Variants in MACROD2 observed in about 807,000 individuals in gnomAD.
The protein encoded by MACROD2 is ADP-ribose glycohydrolase MACROD2.
In MACROD2, 36 loss-of-function variants were observed where a neutral mutation model predicts 70.4. That is an observed-to-expected ratio of 0.51 (90% CI 0.39 to 0.68). The LOEUF (loss-of-function observed/expected upper bound fraction) is 0.68. Among genes scored for constraint, MACROD2 ranks in the 30% least tolerant of loss-of-function variants. The probability of loss-of-function intolerance (pLI) is 0.00; values close to 1 mark genes in which losing one functional copy is unlikely to be tolerated. For missense variants in MACROD2, 496 were observed against 538.4 expected (o/e 0.92, Z 0.78); for synonymous variants, 172 against 178.8 (o/e 0.96, Z 0.30).
chr20:15,503,006 A>T (rs2047383022), intron 8 of MACROD2, among the ~76,000 whole-genome samples: 1 of 152,258 alleles, frequency 6.6e-6, no homozygotes, highest in African/African-American at 2.4e-5. Context: ...TTCATTGTCC[A>T]GAAAAAGGCA....
At chr20:15,233,141 T>G (rs1359305293) in intron 6 of MACROD2, among the ~76,000 whole-genome samples, 1 of 152,124 alleles carries the variant, frequency 6.6e-6, no homozygotes, top group East Asian at 1.9e-4. Flanking sequence ...TTCCCAGAGA[T>G]GCATGAAATT....
At chr20:15,791,973 C>T (rs2063628442) in intron 8 of MACROD2, among the ~76,000 whole-genome samples, 1 of 151,760 alleles carries the variant, frequency 6.6e-6, no homozygotes, top group East Asian at 1.9e-4. Context: ...TGAAATGTTT[C>T]GAAAAGGAAA....
At chr20:14,642,015 G>C (rs1985124257) in intron 4 of MACROD2, among the ~76,000 whole-genome samples, 1 of 152,210 alleles carries the variant, frequency 6.6e-6, no homozygotes, top group Non-Finnish European at 1.5e-5. Context: ...TCTTCCAATA[G>C]AAGGCTGTTT....
intron 5 of MACROD2, chr20:14,758,009 CAGT>C: frequency 1.3e-6 from 1 of 757,636 alleles, no homozygotes; most frequent in South Asian, 1.4e-5. Context: ...AACTGAATTC[CAGT>C]TTAGAGGCGA....
chr20:14,877,744 T>C (rs765326868), intron 5 of MACROD2, among the ~76,000 whole-genome samples: 23 of 152,138 alleles, frequency 1.5e-4, no homozygotes, highest in Non-Finnish European at 2.8e-4. Context: ...ATGGTTTTTG[T>C]TTTTAGTTCT....
intron 8 of MACROD2, among the ~76,000 whole-genome samples, chr20:15,735,936 C>G (rs1476701715): frequency 2.0e-5 from 3 of 148,140 alleles, no homozygotes; most frequent in Non-Finnish European, 4.5e-5. Context: ...TGAACACCTA[C>G]CATGTGCTGT....
At chr20:15,300,664 T>C (rs2077633208) in intron 6 of MACROD2, among the ~76,000 whole-genome samples, 1 of 152,208 alleles carries the variant, frequency 6.6e-6, no homozygotes, top group East Asian at 1.9e-4. Context: ...TCCACTTTTT[T>C]TCTTGAGCTT....
At chr20:14,508,838 A>G (rs1181636377) in intron 4 of MACROD2, among the ~76,000 whole-genome samples, 6 of 152,122 alleles carry the variant, frequency 3.9e-5, no homozygotes. Flanking sequence ...ACATTTTACT[A>G]TATTTGTCCT....
chr20:14,103,722 GCTTA>G (rs2054328909), intron 3 of MACROD2, among the ~76,000 whole-genome samples: 5 of 151,832 alleles, frequency 3.3e-5, no homozygotes, highest in Admixed American at 2.6e-4. Context: ...TTTGAGGACT[GCTTA>G]CTTTTTTGTT....
At chr20:14,972,205 A>G (rs989663387) in intron 5 of MACROD2, among the ~76,000 whole-genome samples, 4 of 152,194 alleles carry the variant, frequency 2.6e-5, no homozygotes. Flanking sequence ...CTTTCTACTC[A>G]ATTCTATTGG....
At chr20:14,825,792 C>T (rs1164706432) in intron 5 of MACROD2, among the ~76,000 whole-genome samples, 2 of 152,062 alleles carry the variant, frequency 1.3e-5, no homozygotes, top group Non-Finnish European at 2.9e-5. Flanking sequence ...CATTAGTGAC[C>T]TGGTATTTGG....
At chr20:15,263,789 T>C (rs2077269285) in intron 6 of MACROD2, among the ~76,000 whole-genome samples, 1 of 152,130 alleles carries the variant, frequency 6.6e-6, no homozygotes, top group Non-Finnish European at 1.5e-5. Context: ...ATTTTACTCA[T>C]GGCTATTAAA....
chr20:15,790,642 C>A (rs1280853935), intron 8 of MACROD2, among the ~76,000 whole-genome samples: 2 of 151,542 alleles, frequency 1.3e-5, no homozygotes, highest in African/African-American at 4.8e-5. Flanking sequence ...AAGGAGGAGC[C>A]CCTGCTCACA....
At chr20:15,073,955 T>C (rs2075638678) in intron 5 of MACROD2, among the ~76,000 whole-genome samples, 1 of 152,186 alleles carries the variant, frequency 6.6e-6, no homozygotes, top group Non-Finnish European at 1.5e-5. Context: ...AGAAAAATTA[T>C]AACAAATGGC....
At chr20:15,886,722 C>A (rs1414587123) in intron 10 of MACROD2, among the ~76,000 whole-genome samples, 3 of 152,070 alleles carry the variant, frequency 2.0e-5, no homozygotes, top group Non-Finnish European at 4.4e-5. Context: ...AATCAGTAGA[C>A]CTGAATTCAC....
At chr20:15,348,734 T>C (rs6110575) in intron 6 of MACROD2, among the ~76,000 whole-genome samples, 1 of 152,066 alleles carries the variant, frequency 6.6e-6, no homozygotes, top group Non-Finnish European at 1.5e-5. Context: ...CTCGTGAGAC[T>C]TATTCATTAT....
intron 8 of MACROD2, among the ~76,000 whole-genome samples, chr20:15,834,932 G>A (rs574438667): frequency 3.3e-5 from 5 of 152,256 alleles, no homozygotes; most frequent in South Asian, 2.1e-4. Context: ...TGGTAGAAGC[G>A]ATGATGTTTC....
chr20:15,522,350 C>T (rs533047034), intron 8 of MACROD2, among the ~76,000 whole-genome samples: 1 of 152,272 alleles, frequency 6.6e-6, no homozygotes, highest in East Asian at 1.9e-4. Context: ...TTGAAAAGTA[C>T]ATAGGGAAAA....
chr20:14,500,042 G>A (rs967286051), intron 4 of MACROD2, among the ~76,000 whole-genome samples: 2 of 152,308 alleles, frequency 1.3e-5, no homozygotes, highest in East Asian at 3.9e-4. Context: ...CCCAGAAGAG[G>A]TGACATGGGA....
Sources: gnomAD v4.1 joint callset for allele counts (sites outside exome capture counted in the v4.1 genomes callset) on GRCh38, gnomAD v4.1.1 for gene constraint, MANE v1.5 for transcripts, NCBI Gene and HGNC (gene_info 2026-07-23, HGNC 2026-07-21) for gene names.